ZNF540: variants seen among roughly 807,000 people sequenced by gnomAD.
ZNF540 encodes the protein CTD-3064H18.6.
Under a neutral mutation model 11.8 loss-of-function variants are expected in ZNF540, and 3 were observed. The ratio of observed to expected loss-of-function variants is 0.25; its 90% confidence interval spans 0.12 to 0.65. The LOEUF (loss-of-function observed/expected upper bound fraction) is 0.65, where lower values mean the gene tolerates loss of function less well. ZNF540 is among the 30% of genes least tolerant of loss of function. The probability of loss-of-function intolerance (pLI) is 0.83; values close to 1 mark genes in which losing one functional copy is unlikely to be tolerated. For synonymous variants in ZNF540, 247 were observed against 259.0 expected, an observed-to-expected ratio of 0.95 and a Z score of 0.45; for missense variants, 709 against 793.1, an observed-to-expected ratio of 0.89 and a Z score of 1.27.
At position 37,611,868 on chromosome 19, in the gene ZNF540, T is replaced by C. The variant is rs374779147; in HGVS notation, c.588T>C (p.Phe196=). The stretch of plus-strand genomic sequence containing the variant: ...ATTGTAAAGAATGTGGGAGTACTTT[T>C]AATAATGTCTATCAGCTTACTCTCC... ...KHDCKECGST[F]NNVYQLTLHQ... is the part of the protein sequence containing the mutation. The change falls in exon 5 of 5, where the codon TTT becomes TTC. Residue 196 remains phenylalanine, a synonymous_variant. Coordinates refer to ENST00000316433, the MANE Select transcript of ZNF540 (RefSeq NM_001172225.3). The C allele has an allele frequency of 1.2e-5, 20 of 1,613,784 alleles. No individual in the cohort carries two copies. The highest frequency in any genetic ancestry group is 9.3e-5 in the African/African-American group (7 of 74,918).
In ZNF540 at chr19:37,613,191, T is replaced by G. The variant is rs562738149; in HGVS notation, c.1911T>G (p.Cys637Trp). The G allele has an allele frequency of 1.2e-6, 2 of 1,607,876 alleles. No individual in the cohort carries two copies. The highest frequency in any genetic ancestry group is 4.5e-5 in the East Asian group (2 of 44,766). Residue 637 changes from cysteine to tryptophan, a missense_variant, in exon 5 of 5, where the codon TGT becomes TGG. By Grantham distance (215) the Cys-to-Trp change is radical. Transcript: ENST00000316433. Reference sequence around the variant, plus strand: ...ACACTGGTGAGAAACCCTATGAGTGTAAGGTATGTAGAAAGGCCTTTAGAC... The same window carrying G: ...ACACTGGTGAGAAACCCTATGAGTGGAAGGTATGTAGAAAGGCCTTTAGAC... ...RIHTGEKPYE[C>W]KVCRKAFRQY...
At chr19:37,558,841 CAGAG>C (rs113869628) in intron 1 of ZNF540, among the ~76,000 whole-genome samples, 29 of 149,326 alleles carry the variant, frequency 1.9e-4, no homozygotes, top group African/African-American at 5.6e-4. Context: ...GAGAGAGAGA[CAGAG>C]AGAGAGAGAG....
chr19:37,577,684 G>A (rs1159632007), intron 1 of ZNF540, among the ~76,000 whole-genome samples: 6 of 152,130 alleles, frequency 3.9e-5, no homozygotes, highest in African/African-American at 1.4e-4. Flanking sequence ...TCTGGTGATA[G>A]CCGGCTATTC....
At chr19:37,584,229 T>A in intron 1 of ZNF540, 2 of 1,199,446 alleles carry the variant, frequency 1.7e-6, no homozygotes, top group Non-Finnish European at 2.4e-6. Flanking sequence ...TAAACAGTAG[T>A]ATTAACCTGA....
intron 1 of ZNF540, among the ~76,000 whole-genome samples, chr19:37,576,462 C>A (rs1313725144): frequency 6.6e-6 from 1 of 152,160 alleles, no homozygotes; most frequent in Admixed American, 6.5e-5. Flanking sequence ...TAAAACCTTA[C>A]TCTACCATAC....
Position 37,584,013 on chromosome 19 carries a change from T to G in ZNF540, c.-72-14363T>G, listed in dbSNP as rs760556774. The G allele has an allele frequency of 2.5e-6, 4 of 1,613,882 alleles. No homozygotes were observed. In the East Asian group the frequency reaches 8.9e-5, roughly 36 times the overall value. ...CTGTAGTTCTCCAACATCACATCCC[T>G]GTACAAGTCCCTCTGAGCAGGGTCC... On this transcript the variant is annotated intron_variant, in intron 1 of 4. Transcript: ENST00000592533.
chr19:37,598,588 C>CAGGG, intron 2 of ZNF540, 132 bp downstream of exon 2: 1 of 915,008 alleles, frequency 1.1e-6, no homozygotes, highest in African/African-American at 1.7e-5. Context: ...CTCCCATGGG[C>CAGGG]CCCCTCTCTT....
Position 37,552,804 on chromosome 19 carries a change from G to A in ZNF540, c.-73+1139G>A, listed in dbSNP as rs149075379. ...CTCTACCAAAAATACAAAATTAGCC[G>A]AGTGTGGTGGCGTGCGCCTGTAGTC... On this transcript the variant is annotated intron_variant, in intron 1 of 4. Coordinates refer to the ZNF540 transcript ENST00000592533. 8.2e-3 allele frequency among the ~76,000 whole-genome samples: 1,254 copies of A among 152,092 alleles called. 8 individuals are homozygous for A. The highest frequency in any genetic ancestry group is 0.014 in the Middle Eastern group (4 of 294).
intron 1 of ZNF540, chr19:37,567,865 G>GA (rs1315679403): frequency 2.0e-5 from 3 of 152,100 alleles, no homozygotes; most frequent in Non-Finnish European, 2.9e-5. Flanking sequence ...TGTGTAGGGG[G>GA]AAAATGCCTG....
chr19:37,559,794 T>C (rs1012775952), intron 1 of ZNF540, among the ~76,000 whole-genome samples: 9 of 152,176 alleles, frequency 5.9e-5, no homozygotes, highest in Non-Finnish European at 1.2e-4. Context: ...ACTATTTTAT[T>C]TTTGCCCATG....
At position 37,613,291 on chromosome 19, in the gene ZNF540, C is replaced by G; in HGVS notation, c.*28C>G. The G allele has an allele frequency of 1.4e-6, 2 of 1,411,924 alleles. No individual in the cohort carries two copies. The highest frequency in any genetic ancestry group is 3.6e-5 in the South Asian group (2 of 55,282). 87.5% of individuals were successfully genotyped at this position (1,411,924 alleles called of 1,614,324 possible). A position where few individuals can be genotyped will look rare whatever the true frequency, so the allele number is the denominator to read the frequency against. ...TAAGAAAAGGTTTCCATGTCATGCTCTATTTATAGAATATCAAAATATTTA... is the reference window on the plus strand; with the variant it reads ...TAAGAAAAGGTTTCCATGTCATGCTGTATTTATAGAATATCAAAATATTTA... On this transcript the variant is annotated 3_prime_UTR_variant, in exon 5 of 5. Transcript: ENST00000316433.
upstream of ZNF540, among the ~76,000 whole-genome samples, chr19:37,593,916 A>G (rs772392090): frequency 8.5e-5 from 13 of 152,106 alleles, no homozygotes; most frequent in Admixed American, 5.2e-4. Context: ...TTCGGAAAGG[A>G]AGAAATTTGA....
intron 1 of ZNF540, chr19:37,565,697 ACT>A (rs754535501): frequency 5.6e-6 from 9 of 1,613,720 alleles, no homozygotes; most frequent in East Asian, 2.2e-5. Flanking sequence ...TCCTGTATGA[ACT>A]CTCTGATGTT....
intron 1 of ZNF540, among the ~76,000 whole-genome samples, chr19:37,552,967 T>C (rs1219457376): frequency 1.3e-5 from 2 of 150,868 alleles, no homozygotes; most frequent in Non-Finnish European, 2.9e-5. Flanking sequence ...AGACAATTTG[T>C]TTTATGTTCA....
upstream of ZNF540, among the ~76,000 whole-genome samples, chr19:37,592,919 C>T (rs141025414): frequency 4.3e-4 from 66 of 152,296 alleles, no homozygotes; most frequent in Non-Finnish European, 8.4e-4. Context: ...GGGAAACTAT[C>T]ATGCATTAAG....
chr19:37,555,562 G>C (rs923486347), intron 1 of ZNF540: 1 of 263,002 alleles, frequency 3.8e-6, no homozygotes. Context: ...TCTCGTTCCT[G>C]TTGGCGCCTA....
Position 37,601,081 on chromosome 19 carries a change from G to A in ZNF540, c.208G>A (p.Asp70Asn). 6.3e-7 allele frequency: 1 copy of A among 1,584,150 alleles called. No individual in the cohort carries two copies. ...QGKEPCVVAR[D>N]VTGRQCPGLL... Reference sequence around the variant, plus strand: ...GAAAGAGCCCTGCGTGGTGGCGAGGGATGTGACAGGAAGACAGTGCCCCGG... The same window carrying A: ...GAAAGAGCCCTGCGTGGTGGCGAGGAATGTGACAGGAAGACAGTGCCCCGG... Residue 70 changes from aspartate to asparagine, a missense_variant, in exon 4 of 5, where the codon GAT (aspartate) becomes AAT (asparagine). Physicochemically the swap from Asp to Asn is conservative, Grantham distance 23 (BLOSUM62 1). Transcript: ENST00000316433.
chr19:37,572,452 T>C (rs1479321613), intron 1 of ZNF540, among the ~76,000 whole-genome samples: 1 of 152,220 alleles, frequency 6.6e-6, no homozygotes, highest in East Asian at 1.9e-4. Context: ...ACCAGCATAT[T>C]GTCTAATTTT....
chr19:37,565,647 T>G (rs1175042694), intron 1 of ZNF540: 41 of 1,613,238 alleles, frequency 2.5e-5, no homozygotes, highest in Non-Finnish European at 3.3e-5. Flanking sequence ...GAACAATAAC[T>G]AAAGGCTTTT....
Sources: gnomAD v4.1 joint callset for allele counts (sites outside exome capture counted in the v4.1 genomes callset) on GRCh38, gnomAD v4.1.1 for gene constraint, MANE v1.5 for transcripts, NCBI Gene and HGNC (gene_info 2026-07-23, HGNC 2026-07-21) for gene names.